Variants in CA11 observed in about 807,000 individuals in gnomAD.
CA11 encodes carbonic anhydrase 11 (inactive).
CA11 carries 20 observed loss-of-function variants against 39.3 expected under a neutral mutation model. The observed-to-expected ratio is 0.51, with a 90% CI of 0.36 to 0.74. CA11 has a LOEUF of 0.74. CA11 is among the 30% of genes least tolerant of loss of function. The pLI is 0.00. For synonymous variants in CA11, 166 were observed against 172.5 expected (o/e 0.96, Z 0.29); for missense variants, 336 against 424.6 (o/e 0.79, Z 1.83).
intron 3 of CA11, among the ~76,000 whole-genome samples, chr19:48,642,702 G>A (rs568205639): frequency 6.6e-6 from 1 of 152,240 alleles, no homozygotes; most frequent in South Asian, 2.1e-4. Flanking sequence ...AAGTTGAGAG[G>A]CAGGCCAGTG....
At chr19:48,640,732 T>C (rs1297475763) in intron 3 of CA11, among the ~76,000 whole-genome samples, 2 of 149,582 alleles carry the variant, frequency 1.3e-5, no homozygotes, top group Admixed American at 1.3e-4. Context: ...TGGAGTGCAG[T>C]GGCGAGAGCT....
intron 8 of CA11, chr19:48,638,381 GGGGGGGT>G: frequency 2.9e-6 from 1 of 348,510 alleles, no homozygotes; most frequent in Non-Finnish European, 3.9e-6. Context: ...TCATGGGGGG[GGGGGGGT>G]GTGGACTGTA....
Position 48,638,880 on chromosome 19 carries a change from G to T in CA11, c.961+8C>A. The T allele has an allele frequency of 6.3e-7, 1 of 1,577,300 alleles. No individual in the cohort carries two copies. Among genetic ancestry groups the T allele is most frequent in the South Asian group, 1.2e-5 (1 of 85,132 alleles). On this transcript the variant is annotated splice_region_variant and intron_variant, in intron 8 of 8. Transcript: ENST00000084798. ...CAAGACTTAGAGGGGGTGCAGACTGGACCATACCATGCAGGCGGTAGTTGG... is the reference window on the plus strand; with the variant it reads ...CAAGACTTAGAGGGGGTGCAGACTGTACCATACCATGCAGGCGGTAGTTGG...
At chr19:48,644,596 C>T in intron 2 of CA11, 27 bp from the exon 3 acceptor site, 1 of 1,521,812 alleles carries the variant, frequency 6.6e-7, no homozygotes, top group Non-Finnish European at 8.9e-7. Context: ...AGTAGGAGGA[C>T]AAGGAGTCAG....
At chr19:48,642,473 T>G (rs2031118013) in intron 3 of CA11, among the ~76,000 whole-genome samples, 1 of 152,142 alleles carries the variant, frequency 6.6e-6, no homozygotes, top group Non-Finnish European at 1.5e-5. Flanking sequence ...CACTCCAGCC[T>G]GGGCGACAGA....
intron 3 of CA11, among the ~76,000 whole-genome samples, chr19:48,642,928 T>C (rs905579540): frequency 1.3e-5 from 2 of 152,110 alleles, no homozygotes; most frequent in Admixed American, 6.6e-5. Flanking sequence ...TGCCGGCTCT[T>C]ATAAGAAATG....
chr19:48,638,200 G>C (rs1043878718), intron 8 of CA11, 56 bp from the exon 9 acceptor site: 3 of 1,180,074 alleles, frequency 2.5e-6, no homozygotes, highest in Non-Finnish European at 3.3e-6. Context: ...AGGGGCGGGG[G>C]GTGTGCAGGG....
At chr19:48,639,519 A>G in intron 6 of CA11, 30 bp downstream of exon 6, 1 of 1,613,872 alleles carries the variant, frequency 6.2e-7, no homozygotes, top group Non-Finnish European at 8.5e-7. Context: ...CTCGTGTGTG[A>G]CCACTGCCCC....
intron 5 of CA11, 52 bp downstream of exon 5, chr19:48,639,736 C>T (rs1271408912): frequency 2.5e-6 from 4 of 1,592,104 alleles, no homozygotes; most frequent in Non-Finnish European, 3.4e-6. Context: ...CCTCAGACCC[C>T]GGGTTCCAGG....
At position 48,643,125 on chromosome 19, in the gene CA11, C is replaced by T. The variant is rs1051481355; in HGVS notation, c.285+1302G>A. 1.1e-4 allele frequency among the ~76,000 whole-genome samples: 16 copies of T among 152,018 alleles called. No homozygotes were observed. The highest frequency in any genetic ancestry group is 9.2e-4 in the Admixed American group (14 of 15,252). On this transcript the variant is annotated intron_variant, in intron 3 of 8. Transcript: ENST00000084798. This position sits in a 1 kb window ranked among gnomAD's most constrained non-coding sequence, Gnocchi z 4.3. Reference sequence around the variant, plus strand: ...TGCCTGCAGTCCTGGCTTCTTCCTTCCTTTCCTTCCTTCCCTTCCTTCCTT... The same window carrying T: ...TGCCTGCAGTCCTGGCTTCTTCCTTTCTTTCCTTCCTTCCCTTCCTTCCTT...
In CA11 at chr19:48,639,476, C is replaced by A. The variant is rs1241243973; in HGVS notation, c.641-17G>T. On this transcript the variant is annotated splice_polypyrimidine_tract_variant and intron_variant, in intron 6 of 8. Transcript: ENST00000084798. ...AGGCATCATCTGCGGGAATATCAGG[C>A]CAGAGTAAAGAGGGATGGCACTCTT... 2.5e-6 allele frequency: 4 copies of A among 1,613,910 alleles called. No individual in the cohort carries two copies. Among genetic ancestry groups the A allele is most frequent in the Non-Finnish European group, 3.4e-6 (4 of 1,179,956 alleles).
At position 48,640,119 on chromosome 19, in the gene CA11, G is replaced by T; in HGVS notation, c.447C>A (p.Ile149=). 1 of 1,613,886 alleles carries T rather than the reference G, an allele frequency of 6.2e-7. No individual in the cohort carries two copies. The highest frequency in any genetic ancestry group is 1.1e-5 in the South Asian group (1 of 91,064). ...ARDGAGSEHQ[I]NHQGFSAEVQ... ...CCTCAGCAGAGAAGCCCTGGTGGTT[G>T]ATCTGATGTTCCGAGCCGGCTCCGT... is the stretch of plus-strand genomic sequence containing the variant. The change falls in exon 4 of 9, where the codon ATC becomes ATA. Residue 149 remains isoleucine (I), a synonymous_variant. Transcript: ENST00000084798.
chr19:48,638,135 A>C lies in CA11; in HGVS notation c.971T>G (p.Val324Gly). The C allele has an allele frequency of 8.1e-7, 1 of 1,237,288 alleles. No individual in the cohort carries two copies. Among genetic ancestry groups the C allele is most frequent in the Non-Finnish European group, 1.0e-6 (1 of 960,180 alleles). The allele number at this position is 1,237,288 out of a possible 1,614,324, so 76.6% of individuals were successfully genotyped here. ...GPNYRLHVDG[V>G]PHGR Reference sequence around the variant, plus strand: ...AGGGGAGTCTCAGCGACCATGGGGGACACCATCCACTGTAAGACAGAGAAC... The same window carrying C: ...AGGGGAGTCTCAGCGACCATGGGGGCCACCATCCACTGTAAGACAGAGAAC... Residue 324 changes from valine (V) to glycine (G), a missense_variant, in exon 9 of 9, where the codon GTC becomes GGC. Physicochemically the swap from Val to Gly is moderately radical, Grantham distance 109 (BLOSUM62 -3). Coordinates refer to ENST00000084798, the MANE Select transcript of CA11 (RefSeq NM_001217.5).
rs2147721644 is a variant in CA11, at chr19:48,643,093, T to A, written c.285+1334A>T. ...AACTTAAAAAGTTAGCCAAGCATAC[T>A]GGCATGTGCCTGCAGTCCTGGCTTC... On this transcript the variant is annotated intron_variant, in intron 3 of 8. Transcript: ENST00000084798. The surrounding 1 kb of genome is among the most constrained non-coding windows in gnomAD (Gnocchi z 4.3). Among the ~76,000 whole-genome samples, 1 of 152,334 alleles carries A rather than the reference T, an allele frequency of 6.6e-6. No individual in the cohort carries two copies. The highest frequency in any genetic ancestry group is 2.1e-4 in the South Asian group (1 of 4,824).
chr19:48,641,004 G>A (rs184280956), intron 3 of CA11, among the ~76,000 whole-genome samples: 190 of 136,408 alleles, frequency 1.4e-3, no homozygotes, highest in Middle Eastern at 5.0e-3. Context: ...TTTTTAAATA[G>A]AATCTCACTC....
In CA11 at chr19:48,645,572, C is replaced by T; in HGVS notation, c.61G>A (p.Ala21Thr). The T allele has an allele frequency of 6.2e-7, 1 of 1,604,164 alleles. No individual in the cohort carries two copies. Among genetic ancestry groups the T allele is most frequent in the East Asian group, 2.3e-5 (1 of 44,396 alleles). The change falls in exon 1 of 9, where the codon GCA (alanine) becomes ACA (threonine). Residue 21 changes from alanine to threonine, a missense_variant. Coordinates refer to ENST00000084798, the MANE Select transcript of CA11 (RefSeq NM_001217.5). Reference protein sequence around the residue: ...RALVLWAALGAAAHIGPAPDP... With the variant: ...RALVLWAALGTAAHIGPAPDP... The stretch of plus-strand genomic sequence containing the variant: ...CGGGAACCCCAGGTCTTACCTGCTG[C>T]CCCCAGTGCAGCCCAGAGTACCAGC...
chr19:48,638,634 G>A (rs532835331), intron 8 of CA11, among the ~76,000 whole-genome samples: 20 of 152,242 alleles, frequency 1.3e-4, no homozygotes, highest in African/African-American at 4.3e-4. Context: ...TAGGAAGGCA[G>A]GGGTCAAGGG....
Position 48,645,665 on chromosome 19 carries a change from C to T in CA11, c.-33G>A. On this transcript the variant is annotated 5_prime_UTR_variant, in exon 1 of 9. Coordinates refer to ENST00000084798, the MANE Select transcript of CA11 (RefSeq NM_001217.5). ...AGGCCTCCGAGGGACCCCTGCCCAACGCCCTGCCCCCCTCTCTCAGCTCCT... is the reference window on the plus strand; with the variant it reads ...AGGCCTCCGAGGGACCCCTGCCCAATGCCCTGCCCCCCTCTCTCAGCTCCT... 6 of 1,480,704 alleles carry T rather than the reference C, an allele frequency of 4.1e-6. No individual in the cohort carries two copies. Among genetic ancestry groups the T allele is most frequent in the Non-Finnish European group, 4.5e-6 (5 of 1,110,854 alleles). 91.7% of individuals were successfully genotyped at this position (1,480,704 alleles called of 1,614,324 possible). A position where few individuals can be genotyped will look rare whatever the true frequency, so the allele number is the denominator to read the frequency against.
chr19:48,645,398 G>T lies in CA11; in HGVS notation c.142+5C>A. On this transcript the variant is annotated splice_donor_5th_base_variant and intron_variant, in intron 2 of 8. Transcript: ENST00000084798. Reference sequence around the variant, plus strand: ...CGGACTCCTGGGTCCCCGCCTTGGCGGCACCTGGCACGAAGTTTCCCTGGA... The same window carrying T: ...CGGACTCCTGGGTCCCCGCCTTGGCTGCACCTGGCACGAAGTTTCCCTGGA... The T allele has an allele frequency of 3.2e-6, 5 of 1,577,496 alleles. No homozygotes were observed. Among genetic ancestry groups the T allele is most frequent in the Non-Finnish European group, 4.3e-6 (5 of 1,160,658 alleles).
Sources: gnomAD v4.1 joint callset for allele counts (sites outside exome capture counted in the v4.1 genomes callset) on GRCh38, gnomAD v4.1.1 for gene constraint, Gnocchi (gnomAD v3.1) non-coding constraint, MANE v1.5 for transcripts, NCBI Gene and HGNC (gene_info 2026-07-23, HGNC 2026-07-21) for gene names.